PCDHA13: variants seen among roughly 807,000 people sequenced by gnomAD.
PCDHA13 encodes the protein protocadherin alpha 13, also known as protocadherin alpha-13.
PCDHA13 carries 54 observed loss-of-function variants against 64.8 expected under a neutral mutation model. The observed-to-expected ratio is 0.83, with a 90% CI of 0.67 to 1.04. The LOEUF (loss-of-function observed/expected upper bound fraction) is 1.04, where lower values mean the gene tolerates loss of function less well. Ranked by LOEUF, PCDHA13 falls within the 50% of genes least tolerant of loss-of-function variation. The pLI, the probability that PCDHA13 is intolerant of heterozygous loss-of-function variation, is 0.00. For missense variants in PCDHA13, 1,248 were observed against 1,254.3 expected, an observed-to-expected ratio of 0.99 and a Z score of 0.08; for synonymous variants, 587 against 564.4, an observed-to-expected ratio of 1.04 and a Z score of -0.57.
chr5:140,907,433 G>A (rs1006736760), intron 1 of PCDHA13, among the ~76,000 whole-genome samples: 5 of 152,246 alleles, frequency 3.3e-5, no homozygotes, highest in Admixed American at 1.3e-4. Context: ...GGCATTCTGT[G>A]AGTCCACAGA....
At chr5:141,007,015 A>G (rs1342063703) in intron 3 of PCDHA13, among the ~76,000 whole-genome samples, 1 of 152,210 alleles carries the variant, frequency 6.6e-6, no homozygotes, top group Non-Finnish European at 1.5e-5. Flanking sequence ...TCATCAGCTT[A>G]TTCATATGGT....
intron 1 of PCDHA13, chr5:140,968,519 A>G (rs1030847582): frequency 1.2e-6 from 2 of 1,614,008 alleles, no homozygotes; most frequent in South Asian, 1.1e-5. Flanking sequence ...CCCTACCTCA[A>G]CCAACTCGTC....
At chr5:141,002,312 C>T (rs1171531371) in intron 3 of PCDHA13, among the ~76,000 whole-genome samples, 1 of 152,230 alleles carries the variant, frequency 6.6e-6, no homozygotes, top group East Asian at 1.9e-4. Flanking sequence ...GGGGCCGAAA[C>T]CTGGAGGCCG....
At chr5:140,973,358 A>G (rs1450961086) in intron 1 of PCDHA13, among the ~76,000 whole-genome samples, 1 of 152,234 alleles carries the variant, frequency 6.6e-6, no homozygotes, top group Non-Finnish European at 1.5e-5. Flanking sequence ...GTGAATTTAT[A>G]AAAATTGCAC....
rs143580970 is a variant in PCDHA13, at chr5:140,976,476, G to A, written c.2395-2473G>A. ...TGGGGAAGAAGAATTGCTTGAATCC[G>A]GGAGGCAGAGGTTGCAGGGAGCCAA... On this transcript the variant is annotated intron_variant, in intron 1 of 3. Transcript: ENST00000289272. 8.2e-3 allele frequency among the ~76,000 whole-genome samples: 1,253 copies of A among 152,132 alleles called. 22 individuals carry two copies. The highest frequency in any genetic ancestry group is 0.028 in the African/African-American group (1,179 of 41,504).
intron 1 of PCDHA13, among the ~76,000 whole-genome samples, chr5:140,884,904 A>G (rs2060400953): frequency 6.6e-6 from 1 of 152,226 alleles, no homozygotes; most frequent in Non-Finnish European, 1.5e-5. Flanking sequence ...TTTCTGTTGT[A>G]TTCTTAATAG....
At position 140,975,481 on chromosome 5, in the gene PCDHA13, T is replaced by C. The variant is rs566642912; in HGVS notation, c.2395-3468T>C. Among the ~76,000 whole-genome samples, 225 of 152,370 alleles carry C rather than the reference T, an allele frequency of 1.5e-3. 1 individual carries two copies. The highest frequency in any genetic ancestry group is 5.2e-3 in the African/African-American group (216 of 41,590). ...TCTTGGAATTCTGCCTATCAGTTTA[T>C]ATCAATGTTCATAAAATAGCACTAT... On this transcript the variant is annotated intron_variant, in intron 1 of 3. Transcript: ENST00000289272.
intron 3 of PCDHA13, among the ~76,000 whole-genome samples, chr5:140,996,316 A>C (rs2153939037): frequency 6.6e-6 from 1 of 152,250 alleles, no homozygotes; most frequent in African/African-American, 2.4e-5. Context: ...GTAAGGGGGG[A>C]GGGTAGAGAA....
At chr5:140,959,412 A>G (rs2153722176) in intron 1 of PCDHA13, among the ~76,000 whole-genome samples, 1 of 152,256 alleles carries the variant, frequency 6.6e-6, no homozygotes, top group African/African-American at 2.4e-5. Context: ...GTGTTGATTG[A>G]TCTGAGAATT....
intron 1 of PCDHA13, chr5:140,968,325 C>T (rs148804197): frequency 1.2e-6 from 2 of 1,613,988 alleles, no homozygotes; most frequent in African/African-American, 2.7e-5. Context: ...CCAGTCACCT[C>T]CTATGTCTCC....
intron 1 of PCDHA13, among the ~76,000 whole-genome samples, chr5:140,917,545 C>G (rs1049973588): frequency 6.6e-6 from 1 of 152,212 alleles, no homozygotes; most frequent in Non-Finnish European, 1.5e-5. Flanking sequence ...TTAGGTTTTA[C>G]ATTTAACTCT....
At chr5:140,941,221 T>TTCTTTCTTTCTTTCTTTCTC (rs1563186510) in intron 1 of PCDHA13, among the ~76,000 whole-genome samples, 1 of 131,536 alleles carries the variant, frequency 7.6e-6, no homozygotes, top group Admixed American at 7.9e-5. Context: ...CTTCCTTTCT[T>TTCTTTCTTTCTTTCTTTCTC]TCTTTCTTTC....
rs185929013 is a variant in PCDHA13 at position 140,956,196 on chromosome 5, T to G, written c.2395-22753T>G. 2.6e-5 allele frequency among the ~76,000 whole-genome samples: 4 copies of G among 152,188 alleles called. No homozygotes were observed. In the East Asian group the frequency reaches 7.7e-4, roughly 29 times the overall value. On this transcript the variant is annotated intron_variant, in intron 1 of 3. Coordinates refer to ENST00000289272, the MANE Select transcript of PCDHA13 (RefSeq NM_018904.3). The stretch of plus-strand genomic sequence containing the variant: ...CTTCCAATACTATGCTGAATAGGAG[T>G]GGTGAAAGAGGGCATCCTTGTCTTG...
At chr5:140,968,394 G>A (rs782388354) in intron 1 of PCDHA13, 3 of 1,613,942 alleles carry the variant, frequency 1.9e-6, no homozygotes, top group Admixed American at 3.3e-5. Context: ...GAGAAGTTTC[G>A]GGAGTTCTTT....
intron 3 of PCDHA13, 42 bp from the exon 4 acceptor site, chr5:141,009,585 T>C: frequency 6.3e-7 from 1 of 1,592,908 alleles, no homozygotes; most frequent in Non-Finnish European, 8.6e-7. Flanking sequence ...ATCAAGAGCA[T>C]GTGTTGACCC....
At chr5:140,957,799 TA>T (rs1430681763) in intron 1 of PCDHA13, among the ~76,000 whole-genome samples, 2 of 152,032 alleles carry the variant, frequency 1.3e-5, no homozygotes, top group African/African-American at 2.4e-5. Context: ...ATATGTTAAG[TA>T]AAAAAAAGTC....
At chr5:140,986,398 G>C (rs973049448) in intron 3 of PCDHA13, among the ~76,000 whole-genome samples, 1 of 152,174 alleles carries the variant, frequency 6.6e-6, no homozygotes, top group Non-Finnish European at 1.5e-5. Context: ...AGGGCCAGTC[G>C]CTCATGTTAC....
chr5:140,963,386 A>G (rs189164274), intron 1 of PCDHA13, among the ~76,000 whole-genome samples: 2 of 152,344 alleles, frequency 1.3e-5, no homozygotes, highest in Admixed American at 1.3e-4. Flanking sequence ...CTCTGTGCCA[A>G]GCTCCCTACT....
In PCDHA13 at chr5:140,927,810, GGAGGCATACATT is replaced by G. The variant is rs782126534; in HGVS notation, c.2394+43154_2394+43165del. Reference sequence around the variant, plus strand: ...CACTAGGTCCGCCTGAAACGCTCTTGGAGGCATACATTGAGGCGAGGGACGAAGGTGTCTTTG... The same window carrying G: ...CACTAGGTCCGCCTGAAACGCTCTTGGAGGCGAGGGACGAAGGTGTCTTTG... On this transcript the variant is annotated intron_variant, in intron 1 of 3. Transcript: ENST00000289272. 3.7e-6 allele frequency: 6 copies of G among 1,614,082 alleles called. No individual in the cohort carries two copies. The South Asian group carries it at 6.6e-5, about 18-fold the overall frequency.
Sources: allele counts gnomAD v4.1 joint callset (sites outside exome capture counted in the v4.1 genomes callset), GRCh38; gene constraint gnomAD v4.1.1; transcripts MANE v1.5; gene names NCBI Gene and HGNC (gene_info 2026-07-23, HGNC 2026-07-21).